Variants in FOXP2 observed in about 807,000 individuals in gnomAD.
FOXP2 encodes forkhead box P2.
FOXP2 carries 12 observed loss-of-function variants against 115.8 expected under a neutral mutation model. The ratio of observed to expected loss-of-function variants is 0.10; its 90% confidence interval spans 0.07 to 0.17. The LOEUF is 0.17. Ranked by LOEUF, FOXP2 falls within the 10% of genes least tolerant of loss-of-function variation. The probability of loss-of-function intolerance (pLI) is 1.00; values close to 1 mark genes in which losing one functional copy is unlikely to be tolerated. For missense variants in FOXP2, 629 were observed against 843.5 expected (o/e 0.75, Z 3.15); for synonymous variants, 328 against 297.7 (o/e 1.10, Z -1.05).
intron 2 of FOXP2, among the ~76,000 whole-genome samples, chr7:114,525,776 CT>C (rs1249474836): frequency 6.6e-6 from 1 of 152,132 alleles, no homozygotes; most frequent in African/African-American, 2.4e-5. Context: ...TAATTTAGTA[CT>C]TTCCCATATT....
chr7:114,565,632 T>A (rs572893867), intron 3 of FOXP2, among the ~76,000 whole-genome samples: 1 of 152,158 alleles, frequency 6.6e-6, no homozygotes, highest in East Asian at 1.9e-4. Flanking sequence ...AGCCTCAAAA[T>A]AAGTAAATAA....
chr7:114,561,353 T>C (rs1800749931), intron 3 of FOXP2: 1 of 152,122 alleles, frequency 6.6e-6, no homozygotes, highest in African/African-American at 2.4e-5. Context: ...CTCAAGACAA[T>C]AGAAAACTAC....
intron 16 of FOXP2, among the ~76,000 whole-genome samples, chr7:114,670,690 A>C (rs1438729050): frequency 6.6e-6 from 1 of 152,086 alleles, no homozygotes; most frequent in African/African-American, 2.4e-5. Context: ...GCTGCCTTAA[A>C]ATTTAAATTG....
chr7:114,689,641 C>T (rs898481212), intron 16 of FOXP2, 141 bp from the exon 17 acceptor site: 12 of 785,158 alleles, frequency 1.5e-5, no homozygotes, highest in Admixed American at 6.2e-5. Flanking sequence ...AACCAGCTCA[C>T]GCAATCAATC....
At chr7:114,400,995 G>T (rs771521325) in intron 2 of FOXP2, among the ~76,000 whole-genome samples, 12 of 152,128 alleles carry the variant, frequency 7.9e-5, no homozygotes, top group Non-Finnish European at 1.6e-4. Flanking sequence ...AGGAGTAAGG[G>T]AGATTCTGGG....
intron 1 of FOXP2, among the ~76,000 whole-genome samples, chr7:114,138,445 G>A (rs145470329): frequency 1.1e-3 from 161 of 151,436 alleles, no homozygotes; most frequent in African/African-American, 3.7e-3. Flanking sequence ...GGGCTGGAGG[G>A]CAATGACGCA....
At position 114,509,553 on chromosome 7, in the gene FOXP2, TG is replaced by T. The variant is rs1243562044; in HGVS notation, c.169-25063del. 1.2e-4 allele frequency among the ~76,000 whole-genome samples: 18 copies of T among 151,938 alleles called. No homozygotes were observed. In the South Asian group the frequency reaches 1.2e-3, roughly 11 times the overall value. ...TTTGTTAATTTTTGATAGGTTGATG[TG>T]AGTATGTCGGAGATAAAGAGGAATC... On this transcript the variant is annotated intron_variant, in intron 2 of 16. Coordinates refer to ENST00000350908, the MANE Select transcript of FOXP2 (RefSeq NM_014491.4).
chr7:114,307,262 G>A (rs1797036344), intron 2 of FOXP2, among the ~76,000 whole-genome samples: 1 of 152,022 alleles, frequency 6.6e-6, no homozygotes, highest in Non-Finnish European at 1.5e-5. Context: ...AGGATTTCAA[G>A]CAGCAGGATT....
chr7:114,574,371 A>G (rs1801472182), intron 3 of FOXP2, among the ~76,000 whole-genome samples: 1 of 151,806 alleles, frequency 6.6e-6, no homozygotes, highest in African/African-American at 2.4e-5. Flanking sequence ...ATACTTTTCA[A>G]TGCTTGCTTT....
chr7:114,656,652 A>T (rs1158295296), intron 10 of FOXP2: 1 of 225,490 alleles, frequency 4.4e-6, no homozygotes, highest in Non-Finnish European at 9.5e-6. Flanking sequence ...ACAGAATAAC[A>T]GTTTGTGGTT....
intron 2 of FOXP2, among the ~76,000 whole-genome samples, chr7:114,464,537 A>T (rs1795722065): frequency 6.6e-6 from 1 of 152,216 alleles, no homozygotes. Context: ...ATGATAATGT[A>T]GTTGGGTAGA....
At chr7:114,167,633 T>C (rs2129152061) in intron 1 of FOXP2, among the ~76,000 whole-genome samples, 1 of 152,130 alleles carries the variant, frequency 6.6e-6, no homozygotes, top group East Asian at 1.9e-4. Flanking sequence ...GGAGATCTGA[T>C]GGTTTTAAAA....
chr7:114,678,335 G>A (rs1044448475), intron 16 of FOXP2, among the ~76,000 whole-genome samples: 4 of 152,092 alleles, frequency 2.6e-5, no homozygotes, highest in Non-Finnish European at 5.9e-5. Context: ...AGCCTGCCTG[G>A]ATGGGGATAC....
intron 1 of FOXP2, among the ~76,000 whole-genome samples, chr7:114,201,724 T>C (rs963777500): frequency 6.6e-6 from 1 of 152,220 alleles, no homozygotes; most frequent in African/African-American, 2.4e-5. Flanking sequence ...TGAAATCATG[T>C]TAAATTCCAG....
At chr7:114,108,348 ATCT>A (rs1338904679) in intron 1 of FOXP2, among the ~76,000 whole-genome samples, 1 of 151,922 alleles carries the variant, frequency 6.6e-6, no homozygotes, top group African/African-American at 2.4e-5. Context: ...ATGCATATAA[ATCT>A]TCTTTCCATA....
intron 2 of FOXP2, among the ~76,000 whole-genome samples, chr7:114,299,612 G>T (rs186223425): frequency 6.2e-4 from 94 of 151,872 alleles, no homozygotes; most frequent in African/African-American, 2.2e-3. Context: ...TTGATCAACT[G>T]GGATGGTAAC....
upstream of FOXP2, among the ~76,000 whole-genome samples, chr7:114,161,263 A>G (rs1268146052): frequency 2.6e-5 from 4 of 152,150 alleles, no homozygotes; most frequent in Admixed American, 2.6e-4. Flanking sequence ...CTAATCCTAA[A>G]ATCTAGTCTT....
intron 2 of FOXP2, among the ~76,000 whole-genome samples, chr7:114,488,114 G>T (rs1796875639): frequency 6.6e-6 from 1 of 152,140 alleles, no homozygotes; most frequent in Admixed American, 6.5e-5. Flanking sequence ...CACAATTACG[G>T]TGGAAGGCAA....
chr7:114,474,739 C>A (rs1796183455), intron 2 of FOXP2, among the ~76,000 whole-genome samples: 1 of 152,096 alleles, frequency 6.6e-6, no homozygotes, highest in South Asian at 2.1e-4. Context: ...CCAATCCATG[C>A]AGTAATTCAA....
Sources: gnomAD v4.1 joint callset for allele counts (sites outside exome capture counted in the v4.1 genomes callset) on GRCh38, gnomAD v4.1.1 for gene constraint, MANE v1.5 for transcripts, NCBI Gene and HGNC (gene_info 2026-07-23, HGNC 2026-07-21) for gene names.